MAP4: variants seen among roughly 807,000 people sequenced by gnomAD.
MAP4 encodes the protein microtubule-associated protein 4.
MAP4 carries 76 observed loss-of-function variants against 170.2 expected under a neutral mutation model. That is an observed-to-expected ratio of 0.45 (90% CI 0.37 to 0.54). MAP4 has a LOEUF of 0.54. Among genes scored for constraint, MAP4 ranks in the 20% least tolerant of loss-of-function variants. MAP4 has a pLI of 0.00. For missense variants in MAP4, 2,506 were observed against 2,748.0 expected (o/e 0.91, Z 1.97); for synonymous variants, 909 against 994.5 (o/e 0.91, Z 1.62).
rs991959448 is a variant in MAP4 at position 48,044,152 on chromosome 3, A to AT, written c.-20+44620dup. On this transcript the variant is annotated intron_variant, in intron 1 of 18. Transcript: ENST00000360240. ...AGCCACTGCACCCAGCCGCTCTGTA[A>AT]TTTTTTTTTGTTTTTGTTTTTTGAG... Among the ~76,000 whole-genome samples, 6 of 140,478 alleles carry AT rather than the reference A, an allele frequency of 4.3e-5. No individual in the cohort carries two copies. In the East Asian group the frequency reaches 6.5e-4, roughly 15 times the overall value. 92.2% of individuals were successfully genotyped at this position (140,478 alleles called of 152,430 possible). A position where few individuals can be genotyped will look rare whatever the true frequency, so the allele number is the denominator to read the frequency against.
chr3:47,950,567 G>C (rs941166469), intron 3 of MAP4, among the ~76,000 whole-genome samples: 2 of 151,786 alleles, frequency 1.3e-5, no homozygotes, highest in Admixed American at 1.3e-4. Context: ...TTTTAGACTC[G>C]AGTAAATTAT....
At chr3:47,944,985 A>G (rs960366625) in intron 3 of MAP4, among the ~76,000 whole-genome samples, 2 of 150,982 alleles carry the variant, frequency 1.3e-5, no homozygotes, top group African/African-American at 4.9e-5. Context: ...TGCTAATATA[A>G]AGATCAAATG....
intron 3 of MAP4, among the ~76,000 whole-genome samples, chr3:47,945,542 G>A (rs2100059245): frequency 6.6e-6 from 1 of 151,952 alleles, no homozygotes; most frequent in African/African-American, 2.4e-5. Flanking sequence ...GTTGAATGGA[G>A]AAATGATTGT....
intron 10 of MAP4, chr3:47,892,072 G>A: frequency 9.8e-6 from 15 of 1,536,062 alleles, no homozygotes; most frequent in Non-Finnish European, 1.3e-5. Flanking sequence ...GAATGGTTTT[G>A]TTTTTGTCTG....
chr3:47,943,090 C>T (rs943546933), intron 3 of MAP4, among the ~76,000 whole-genome samples: 1 of 151,952 alleles, frequency 6.6e-6, no homozygotes, highest in African/African-American at 2.4e-5. Context: ...TCCTGGGCAA[C>T]AGACCAAGAC....
At chr3:47,879,342 G>T (rs754883410) in intron 10 of MAP4, among the ~76,000 whole-genome samples, 1 of 152,104 alleles carries the variant, frequency 6.6e-6, no homozygotes, top group African/African-American at 2.4e-5. Flanking sequence ...CATTTTAAAA[G>T]AATTTTTGAA....
At chr3:48,030,358 C>A (rs911284164) in intron 1 of MAP4, among the ~76,000 whole-genome samples, 3 of 151,854 alleles carry the variant, frequency 2.0e-5, no homozygotes, top group Non-Finnish European at 4.4e-5. Flanking sequence ...TTTCTAATAC[C>A]ATTCTCTGAT....
chr3:47,885,314 G>T (rs1304949134), intron 10 of MAP4, among the ~76,000 whole-genome samples: 1 of 152,048 alleles, frequency 6.6e-6, no homozygotes, highest in Non-Finnish European at 1.5e-5. Context: ...AGGATCACTT[G>T]AGGTCAAGAG....
chr3:48,021,278 T>C (rs1012126725), upstream of MAP4, among the ~76,000 whole-genome samples: 2 of 152,188 alleles, frequency 1.3e-5, no homozygotes, highest in African/African-American at 4.8e-5. Context: ...TAAGGTTTTA[T>C]TTTATTTTAA....
intron 1 of MAP4, among the ~76,000 whole-genome samples, chr3:48,024,414 T>C (rs1456345647): frequency 1.3e-5 from 2 of 152,152 alleles, no homozygotes; most frequent in Admixed American, 1.3e-4. Flanking sequence ...AGAAAGACAT[T>C]TCCTATTTCC....
intron 3 of MAP4, among the ~76,000 whole-genome samples, chr3:47,958,631 C>T (rs143704331): frequency 2.2e-3 from 331 of 152,030 alleles, no homozygotes; most frequent in African/African-American, 7.7e-3. Flanking sequence ...ATTCTCTTGC[C>T]TCAGCCTCCT....
intron 3 of MAP4, chr3:47,973,696 T>TA (rs1454898727): frequency 8.1e-6 from 8 of 985,266 alleles, no homozygotes; most frequent in African/African-American, 7.0e-5. Flanking sequence ...ACCCATAACT[T>TA]AGACAGCTAC....
chr3:47,901,754 C>G (rs545670860), intron 10 of MAP4, among the ~76,000 whole-genome samples: 9 of 152,018 alleles, frequency 5.9e-5, no homozygotes, highest in African/African-American at 2.2e-4. Flanking sequence ...TACTGTAAAT[C>G]AAAACTAAGT....
Position 47,998,784 on chromosome 3 carries a change from A to G in MAP4, c.77T>C (p.Ile26Thr). ...DIEGEIKRDFIATLEAEAFDD... is the reference protein window; with the variant it reads ...DIEGEIKRDFTATLEAEAFDD... The stretch of plus-strand genomic sequence containing the variant: ...AAAGGCCTCTGCCTCTAGTGTGGCA[A>G]TGAAGTCCCGCTTTATCTCTCCCTC... The change falls in exon 2 of 21, where the codon ATT (isoleucine) becomes ACT (threonine). Residue 26 changes from isoleucine (I) to threonine (T), a missense_variant. Physicochemically the swap from Ile to Thr is moderately conservative, Grantham distance 89. Transcript: ENST00000683076. 1 of 1,614,130 alleles carries G rather than the reference A, an allele frequency of 6.2e-7. No individual in the cohort carries two copies. The highest frequency in any genetic ancestry group is 1.1e-5 in the South Asian group (1 of 91,086).
chr3:47,931,547 T>C (rs896902175), intron 3 of MAP4, among the ~76,000 whole-genome samples: 1 of 151,866 alleles, frequency 6.6e-6, no homozygotes, highest in Non-Finnish European at 1.5e-5. Context: ...GTGTGGATCA[T>C]GGCTGACTGC....
intron 9 of MAP4, among the ~76,000 whole-genome samples, chr3:47,907,186 T>C (rs779813052): frequency 6.6e-5 from 10 of 152,210 alleles, no homozygotes; most frequent in Non-Finnish European, 1.0e-4. Flanking sequence ...TTAAAAAGAA[T>C]AGCACACATC....
At chr3:48,073,099 A>G (rs2100141805) in intron 1 of MAP4, among the ~76,000 whole-genome samples, 1 of 152,022 alleles carries the variant, frequency 6.6e-6, no homozygotes, top group African/African-American at 2.4e-5. Context: ...AATCCCACCT[A>G]CTCAGGAGGC....
intron 3 of MAP4, among the ~76,000 whole-genome samples, chr3:47,955,717 T>G (rs375327690): frequency 5.9e-5 from 9 of 152,202 alleles, no homozygotes; most frequent in Admixed American, 2.0e-4. Context: ...AAAAAGAGGG[T>G]ACAATGTTTG....
At position 47,870,718 on chromosome 3, in the gene MAP4, T is replaced by A. The variant is rs920900131; in HGVS notation, c.6294+95A>T. On this transcript the variant is annotated intron_variant, in intron 15 of 20. Transcript: ENST00000683076. ...CTGATGCTGAGTCCAGTGTCCTGAC[T>A]GCCTGCTTCTTTGGTGGGCCTGGGA... The A allele has an allele frequency of 6.2e-5, 81 of 1,314,626 alleles. 1 individual carries two copies. Among genetic ancestry groups the A allele is most frequent in the Non-Finnish European group, 5.5e-5 (53 of 966,998 alleles). The allele number at this position is 1,314,626 out of a possible 1,614,324, so 81.4% of individuals were successfully genotyped here. A position where few individuals can be genotyped will look rare whatever the true frequency, so the allele number is the denominator to read the frequency against.
Sources: gnomAD v4.1 joint callset for allele counts (sites outside exome capture counted in the v4.1 genomes callset) on GRCh38, gnomAD v4.1.1 for gene constraint, MANE v1.5 for transcripts, NCBI Gene and HGNC (gene_info 2026-07-23, HGNC 2026-07-21) for gene names.